The following LIN7A variants were observed in gnomAD, a reference collection of about 807,000 sequenced individuals.
LIN7A encodes protein lin-7 homolog A.
A neutral mutation model predicts 29.8 loss-of-function variants in LIN7A; 25 were observed. That is an observed-to-expected ratio of 0.84 (90% CI 0.61 to 1.17). The LOEUF is 1.17. Ranked by LOEUF, LIN7A falls within the 50% of genes most tolerant of loss-of-function variation. The pLI, the probability that LIN7A is intolerant of heterozygous loss-of-function variation, is 0.00. For missense variants in LIN7A, 239 were observed against 287.0 expected, an observed-to-expected ratio of 0.83 and a Z score of 1.21; for synonymous variants, 118 against 107.5, an observed-to-expected ratio of 1.10 and a Z score of -0.60.
chr12:80,935,634 C>T (rs897761383), intron 1 of LIN7A: 149 of 211,252 alleles, frequency 7.1e-4, no homozygotes, highest in African/African-American at 2.7e-3. Flanking sequence ...GAATAAGATA[C>T]GGAGAACAAT....
intron 4 of LIN7A, among the ~76,000 whole-genome samples, chr12:80,821,073 A>G (rs1171952286): frequency 6.6e-6 from 1 of 152,156 alleles, no homozygotes; most frequent in Non-Finnish European, 1.5e-5. Flanking sequence ...TACTCACCCC[A>G]TTACAGTTCC....
chr12:80,878,258 C>T (rs1328982918), intron 2 of LIN7A, among the ~76,000 whole-genome samples: 1 of 152,168 alleles, frequency 6.6e-6, no homozygotes, highest in Non-Finnish European at 1.5e-5. Context: ...GTTGATGTTA[C>T]AAACACTCTC....
At chr12:80,885,524 T>A (rs190566394) in intron 2 of LIN7A, among the ~76,000 whole-genome samples, 222 of 152,260 alleles carry the variant, frequency 1.5e-3, no homozygotes, top group Non-Finnish European at 2.2e-3. Context: ...CAGGGGTCTT[T>A]AGAGATCCTT....
At chr12:80,847,775 G>A (rs1052084150) in intron 3 of LIN7A, among the ~76,000 whole-genome samples, 1 of 152,128 alleles carries the variant, frequency 6.6e-6, no homozygotes, top group African/African-American at 2.4e-5. Flanking sequence ...TTTCTATAAG[G>A]TCTATGCCAC....
chr12:80,841,889 C>A, intron 4 of LIN7A: 2 of 1,032,230 alleles, frequency 1.9e-6, no homozygotes, highest in South Asian at 3.2e-5. Flanking sequence ...TTTTGACCTC[C>A]TATTAATGTT....
chr12:80,859,677 A>AT (rs1051446350), intron 2 of LIN7A, among the ~76,000 whole-genome samples: 1 of 152,182 alleles, frequency 6.6e-6, no homozygotes, highest in African/African-American at 2.4e-5. Flanking sequence ...AATGGATTAT[A>AT]TTTAGGGGAA....
intron 1 of LIN7A, among the ~76,000 whole-genome samples, chr12:80,893,377 C>A (rs952402066): frequency 3.9e-5 from 6 of 152,128 alleles, no homozygotes; most frequent in African/African-American, 1.4e-4. Context: ...ATCTACTAAA[C>A]AAGTTGTTGT....
chr12:80,808,489 ATTTCTTT>A (rs1326602766), intron 5 of LIN7A, among the ~76,000 whole-genome samples: 72 of 149,586 alleles, frequency 4.8e-4, no homozygotes, highest in East Asian at 1.6e-3. Flanking sequence ...CAATAAATGT[ATTTCTTT>A]TTTCTTTTTT....
At chr12:80,904,925 AT>A (rs1041743897) in intron 1 of LIN7A, among the ~76,000 whole-genome samples, 8 of 151,600 alleles carry the variant, frequency 5.3e-5, no homozygotes, top group African/African-American at 9.7e-5. Flanking sequence ...TTTTATTCAC[AT>A]TTTTTTTCAA....
chr12:80,901,813 C>T (rs986390643), intron 1 of LIN7A, among the ~76,000 whole-genome samples: 11 of 151,938 alleles, frequency 7.2e-5, no homozygotes, highest in African/African-American at 2.7e-4. Flanking sequence ...CCTCTTTTAC[C>T]TTATCATTAC....
At chr12:80,822,476 T>C (rs1871853865) in intron 4 of LIN7A, among the ~76,000 whole-genome samples, 1 of 152,146 alleles carries the variant, frequency 6.6e-6, no homozygotes. Flanking sequence ...GAGAATTGCT[T>C]GAACCCAGGG....
chr12:80,855,880 A>T (rs974673827), intron 2 of LIN7A, among the ~76,000 whole-genome samples: 10 of 152,188 alleles, frequency 6.6e-5, no homozygotes, highest in African/African-American at 2.4e-4. Flanking sequence ...TTTTAAAAAT[A>T]TCTATTTATT....
intron 4 of LIN7A, among the ~76,000 whole-genome samples, chr12:80,829,530 A>C (rs1872243101): frequency 1.3e-5 from 2 of 152,174 alleles, no homozygotes; most frequent in African/African-American, 4.8e-5. Context: ...TCAATGGAAA[A>C]ATCATAAGGA....
chr12:80,904,639 A>G (rs1205420112), intron 1 of LIN7A, among the ~76,000 whole-genome samples: 1 of 152,206 alleles, frequency 6.6e-6, no homozygotes, highest in Non-Finnish European at 1.5e-5. Context: ...TGAATGATAC[A>G]TGAAAATGTG....
Position 80,793,291 on chromosome 12 carries a change from T to C in LIN7A, c.*4436A>G, listed in dbSNP as rs555448357. ...CAGCACAGTGGCTAGAAAATAGAGCTGCATAAATGTTAGTTATGAATAAAT... is the reference window on the plus strand; with the variant it reads ...CAGCACAGTGGCTAGAAAATAGAGCCGCATAAATGTTAGTTATGAATAAAT... On this transcript the variant is annotated 3_prime_UTR_variant, in exon 6 of 6. Coordinates refer to ENST00000552864, the MANE Select transcript of LIN7A (RefSeq NM_004664.4). The C allele has an allele frequency of 9.2e-5, 14 of 152,350 alleles. No individual in the cohort carries two copies. In the East Asian group the frequency reaches 2.5e-3, roughly 27 times the overall value. The allele number at this position is 152,350 out of a possible 1,614,324, so 9.4% of individuals were successfully genotyped here.
At chr12:80,839,724 C>A (rs1872727254) in intron 4 of LIN7A, among the ~76,000 whole-genome samples, 2 of 152,172 alleles carry the variant, frequency 1.3e-5, no homozygotes, top group Admixed American at 1.3e-4. Context: ...TCATCCCACA[C>A]CTGACAGCCA....
chr12:80,871,793 A>G (rs548806293), intron 2 of LIN7A, among the ~76,000 whole-genome samples: 1 of 151,990 alleles, frequency 6.6e-6, no homozygotes, highest in South Asian at 2.1e-4. Context: ...AGAATCTTGT[A>G]GTAGACAAAT....
rs760389788 is a variant in LIN7A, at chr12:80,899,765, C to CTTTTTTTTT, written c.83-10397_83-10396insAAAAAAAAA. Among the ~76,000 whole-genome samples the CTTTTTTTTT allele has an allele frequency of 7.3e-4, 80 of 110,026 alleles. 13 individuals carry two copies. Among genetic ancestry groups the CTTTTTTTTT allele is most frequent in the East Asian group, 1.9e-3 (7 of 3,734 alleles). The allele number at this position is 110,026 out of a possible 152,430, so 72.2% of individuals were successfully genotyped here. The stretch of plus-strand genomic sequence containing the variant: ...CATTTCCTCTAGGTTTTCTTTTTTT[C>CTTTTTTTTT]TTTTCTTTTTTTTTTTTTTTTGAGA... On this transcript the variant is annotated intron_variant, in intron 1 of 5. Coordinates refer to ENST00000552864, the MANE Select transcript of LIN7A (RefSeq NM_004664.4).
At chr12:80,813,214 T>C (rs1176811284) in intron 4 of LIN7A, among the ~76,000 whole-genome samples, 1 of 152,198 alleles carries the variant, frequency 6.6e-6, no homozygotes. Flanking sequence ...GGTTTCACCA[T>C]GTTAGCCAGG....
Sources: gnomAD v4.1 joint callset for allele counts (sites outside exome capture counted in the v4.1 genomes callset) on GRCh38, gnomAD v4.1.1 for gene constraint, MANE v1.5 for transcripts, NCBI Gene and HGNC (gene_info 2026-07-23, HGNC 2026-07-21) for gene names.